TSPAN1: variants seen among roughly 807,000 people sequenced by gnomAD.
TSPAN1 encodes tetraspanin 1.
Under a neutral mutation model 26.9 loss-of-function variants are expected in TSPAN1, and 23 were observed. That is an observed-to-expected ratio of 0.85 (90% CI 0.62 to 1.21). TSPAN1 has a LOEUF of 1.21. Among genes scored for constraint, TSPAN1 ranks in the 50% most tolerant of loss-of-function variants. TSPAN1 has a pLI of 0.00. For synonymous variants in TSPAN1, 115 were observed against 114.8 expected (o/e 1.00, Z -0.01); for missense variants, 283 against 298.4 (o/e 0.95, Z 0.38).
rs763632752 is a variant in TSPAN1, at chr1:46,184,587, C to T, written c.265-7C>T. 8.7e-6 allele frequency: 14 copies of T among 1,614,128 alleles called. No individual in the cohort carries two copies. Among genetic ancestry groups the T allele is most frequent in the Non-Finnish European group, 1.2e-5 (14 of 1,179,994 alleles). On this transcript the variant is annotated splice_polypyrimidine_tract_variant and splice_region_variant and intron_variant, in intron 4 of 8. Transcript: ENST00000372003. The stretch of plus-strand genomic sequence containing the variant: ...CCCTAAAACCCAGACCCCTGTTCCC[C>T]ACTCAGTTCTTCTTCATCCTCCTCC...
chr1:46,194,712 C>T, the TSPAN1 span: 15 of 1,614,024 alleles, frequency 9.3e-6, no homozygotes, highest in African/African-American at 2.7e-5. Context: ...GGCTTTTTCC[C>T]ATCTCCCTGC....
chr1:46,195,550 G>C, the TSPAN1 span: 2 of 524,764 alleles, frequency 3.8e-6, no homozygotes, highest in African/African-American at 3.8e-5. Context: ...ACCTCCCACT[G>C]CTGGAATATA....
intron 1 of TSPAN1, among the ~76,000 whole-genome samples, chr1:46,179,651 C>G (rs112899602): frequency 1.4e-4 from 21 of 152,176 alleles, no homozygotes; most frequent in Non-Finnish European, 1.2e-4. Flanking sequence ...GGCAGCCCCA[C>G]TAGGAGTAAC....
At chr1:46,182,824 T>C (rs907975711) in intron 3 of TSPAN1, among the ~76,000 whole-genome samples, 1 of 152,082 alleles carries the variant, frequency 6.6e-6, no homozygotes, top group Non-Finnish European at 1.5e-5. Flanking sequence ...TGTTTGTTTC[T>C]TTGAGACAGG....
the TSPAN1 span, chr1:46,192,668 G>T: frequency 1.9e-6 from 3 of 1,603,580 alleles, no homozygotes; most frequent in Non-Finnish European, 2.6e-6. Flanking sequence ...AATTGCTGGA[G>T]CTGGGTCTCA....
the TSPAN1 span, chr1:46,194,663 C>G: frequency 6.2e-7 from 1 of 1,614,142 alleles, no homozygotes; most frequent in Admixed American, 1.7e-5. Flanking sequence ...TGGCAGGAGG[C>G]AGGAATGAGG....
intron 7 of TSPAN1, 50 bp downstream of exon 7, chr1:46,185,165 G>C (rs1246109456): frequency 6.2e-7 from 1 of 1,614,040 alleles, no homozygotes; most frequent in Admixed American, 1.7e-5. Context: ...CCTCAGAGTG[G>C]CAAACGGGGA....
In TSPAN1 at chr1:46,185,908, T is replaced by C. The variant is rs1189903021; in HGVS notation, c.*375T>C. 6 of 289,752 alleles carry C rather than the reference T, an allele frequency of 2.1e-5. No homozygotes were observed. The highest frequency in any genetic ancestry group is 4.8e-5 in the Admixed American group (1 of 20,866). The allele number at this position is 289,752 out of a possible 1,614,324, so 17.9% of individuals were successfully genotyped here. ...GCATAAGTGAAATCAGCAGAGCCTC[T>C]GGGTGGATGTGTAGAAGGCACTTCA... On this transcript the variant is annotated 3_prime_UTR_variant, in exon 9 of 9. Transcript: ENST00000372003.
At chr1:46,186,478 CT>C, downstream of TSPAN1, among the ~76,000 whole-genome samples, 1 of 146,510 alleles carries the variant, frequency 6.8e-6, no homozygotes, top group African/African-American at 2.5e-5. Flanking sequence ...ACCTCTTTTT[CT>C]TTTCTTTTCT....
chr1:46,178,614 G>A (rs1016008060), intron 1 of TSPAN1, among the ~76,000 whole-genome samples: 2 of 151,978 alleles, frequency 1.3e-5, no homozygotes, highest in Admixed American at 6.6e-5. Context: ...ACTATAAACC[G>A]ACCTGCCCCT....
intron 7 of TSPAN1, 39 bp from the exon 8 acceptor site, chr1:46,185,186 G>A: frequency 1.2e-6 from 2 of 1,614,176 alleles, no homozygotes; most frequent in Non-Finnish European, 1.7e-6. Context: ...TGGGAGTAGG[G>A]CAGCTGCCAA....
chr1:46,181,122 CTTCA>C lies in TSPAN1; in HGVS notation c.18_21del (p.Phe6LeufsTer4). 3 of 1,613,960 alleles carry C rather than the reference CTTCA, an allele frequency of 1.9e-6. No homozygotes were observed. The highest frequency in any genetic ancestry group is 2.5e-6 in the Non-Finnish European group (3 of 1,179,916). The stretch of plus-strand genomic sequence containing the variant: ...CAGGAGCCACCATGCAGTGCTTCAG[CTTCA>C]TTAAGACCATGATGATCCTCTTCAA... On this transcript the variant is annotated frameshift_variant, in exon 3 of 9. Coordinates refer to ENST00000372003, the MANE Select transcript of TSPAN1 (RefSeq NM_005727.4). LOFTEE classifies it high-confidence loss of function.
chr1:46,189,174 C>G, downstream of TSPAN1: 6 of 1,530,656 alleles, frequency 3.9e-6, no homozygotes, highest in Non-Finnish European at 5.2e-6. Context: ...TAGCCCCAGC[C>G]CCTACCAGCA....
At chr1:46,192,798 C>T in the TSPAN1 span, 6 of 1,591,540 alleles carry the variant, frequency 3.8e-6, no homozygotes, top group Non-Finnish European at 5.2e-6. Context: ...GCTTCGCCCC[C>T]ACTTGTGAGC....
chr1:46,184,344 G>A lies in TSPAN1; in HGVS notation c.211G>A (p.Gly71Ser), dbSNP rs1257426095. The A allele has an allele frequency of 6.8e-6, 11 of 1,614,164 alleles. No individual in the cohort carries two copies. The highest frequency in any genetic ancestry group is 8.5e-6 in the Non-Finnish European group (10 of 1,180,028). Residue 71 changes from glycine to serine, a missense_variant, in exon 4 of 9, where the codon GGT becomes AGT. Physicochemically the swap from Gly to Ser is moderately conservative, Grantham distance 56. Transcript: ENST00000372003. ...AGCCGGCGTTGTGGTCTTTGCTCTT[G>A]GTTTCCTGGGCTGCTATGGTGCTAA... is the stretch of plus-strand genomic sequence containing the variant. ...IAAGVVVFAL[G>S]FLGCYGAKTE...
chr1:46,185,429 A>T, intron 8 of TSPAN1, 57 bp from the exon 9 acceptor site: 1 of 1,611,878 alleles, frequency 6.2e-7, no homozygotes, highest in Non-Finnish European at 8.5e-7. Flanking sequence ...TGTCTGTGGG[A>T]CAGGCTTCAG....
the TSPAN1 span, chr1:46,194,228 G>A: frequency 6.2e-7 from 1 of 1,614,030 alleles, no homozygotes; most frequent in Non-Finnish European, 8.5e-7. Flanking sequence ...CCCCCCTGCT[G>A]AGCTGGGAAG....
At chr1:46,176,452 A>ACAAGCC (rs1337721574) in intron 1 of TSPAN1, 1 of 1,535,726 alleles carries the variant, frequency 6.5e-7, no homozygotes, top group African/African-American at 1.4e-5. Flanking sequence ...AGGGCCACGG[A>ACAAGCC]CAAGCCGAGA....
chr1:46,190,165 C>A (rs1657648895), downstream of TSPAN1: 1 of 799,330 alleles, frequency 1.3e-6, no homozygotes, highest in Admixed American at 2.9e-5. Context: ...CTGCCTCAGC[C>A]TCCCAAGTAG....
Sources: gnomAD v4.1 joint callset for allele counts (sites outside exome capture counted in the v4.1 genomes callset) on GRCh38, gnomAD v4.1.1 for gene constraint, MANE v1.5 for transcripts, NCBI Gene and HGNC (gene_info 2026-07-23, HGNC 2026-07-21) for gene names.